SLC25A42: variants seen among roughly 807,000 people sequenced by gnomAD.
SLC25A42 encodes the protein mitochondrial coenzyme A transporter SLC25A42.
SLC25A42 carries 19 observed loss-of-function variants against 34.7 expected under a neutral mutation model. The ratio of observed to expected loss-of-function variants is 0.55; its 90% confidence interval spans 0.38 to 0.80. SLC25A42 has a LOEUF of 0.80. Ranked by LOEUF, SLC25A42 falls within the 30% of genes least tolerant of loss-of-function variation. The probability of loss-of-function intolerance (pLI) is 0.00; values close to 1 mark genes in which losing one functional copy is unlikely to be tolerated. For missense variants in SLC25A42, 364 were observed against 441.3 expected, an observed-to-expected ratio of 0.82 and a Z score of 1.57; for synonymous variants, 205 against 191.2, an observed-to-expected ratio of 1.07 and a Z score of -0.59.
chr19:19,098,287 G>A (rs967539440), intron 2 of SLC25A42, among the ~76,000 whole-genome samples: 2 of 152,126 alleles, frequency 1.3e-5, no homozygotes, highest in Non-Finnish European at 2.9e-5. Flanking sequence ...GTTTATGGAC[G>A]TGTGTTCCTG....
intron 1 of SLC25A42, among the ~76,000 whole-genome samples, chr19:19,066,457 T>C (rs986316886): frequency 6.7e-6 from 1 of 149,476 alleles, no homozygotes; most frequent in African/African-American, 2.5e-5. Context: ...TTCTTTCTTT[T>C]TTTTTTTTTG....
intron 1 of SLC25A42, among the ~76,000 whole-genome samples, chr19:19,079,035 AT>A (rs1207782052): frequency 2.0e-5 from 3 of 150,926 alleles, no homozygotes; most frequent in Admixed American, 6.6e-5. Context: ...ATTTATTTTT[AT>A]TTTTTAGACA....
chr19:19,078,474 C>T (rs566055833), intron 1 of SLC25A42, among the ~76,000 whole-genome samples: 1 of 152,302 alleles, frequency 6.6e-6, no homozygotes, highest in South Asian at 2.1e-4. Flanking sequence ...CCATGTCCCT[C>T]CTCCCACATA....
rs138608017 is a variant in SLC25A42 at position 19,100,612 on chromosome 19, C to T, written c.82-1169C>T. ...ACCTCATCCTTCAAGCTCAGCCTCT[C>T]ACCTACCAACCCAGAGTTCTTACAG... On this transcript the variant is annotated intron_variant, in intron 2 of 7. Transcript: ENST00000318596. Among the ~76,000 whole-genome samples the T allele has an allele frequency of 6.3e-3, 964 of 152,336 alleles. 11 individuals are homozygous for T. Among genetic ancestry groups the T allele is most frequent in the African/African-American group, 0.022 (930 of 41,586 alleles).
At position 19,090,488 on chromosome 19, in the gene SLC25A42, G is replaced by A. The variant is rs1004559445; in HGVS notation, c.-34-5603G>A. On this transcript the variant is annotated intron_variant, in intron 1 of 7. Coordinates refer to ENST00000318596, the MANE Select transcript of SLC25A42 (RefSeq NM_178526.5). ...GTAAACCTGCATATGTTTATGTTAG[G>A]TTTGATGAAGATTAGAGTCATGGGC... is the stretch of plus-strand genomic sequence containing the variant. 3.3e-5 allele frequency among the ~76,000 whole-genome samples: 5 copies of A among 152,080 alleles called. 1 individual carries two copies. The South Asian group carries it at 8.3e-4, about 25-fold the overall frequency.
intron 1 of SLC25A42, among the ~76,000 whole-genome samples, chr19:19,087,373 C>T (rs1259319911): frequency 6.6e-6 from 1 of 152,110 alleles, no homozygotes; most frequent in African/African-American, 2.4e-5. Flanking sequence ...CAGCAACCTC[C>T]ACCTCCCAGG....
chr19:19,105,899 C>G, intron 5 of SLC25A42, 172 bp downstream of exon 5: 1 of 621,234 alleles, frequency 1.6e-6, no homozygotes, highest in Admixed American at 3.0e-5. Flanking sequence ...GAGGGACCCC[C>G]TGACTCTGTC....
chr19:19,092,886 A>G (rs909415682), intron 1 of SLC25A42, among the ~76,000 whole-genome samples: 1 of 152,132 alleles, frequency 6.6e-6, no homozygotes, highest in Non-Finnish European at 1.5e-5. Flanking sequence ...GTAGTCAGAC[A>G]TGGCTGATTG....
At chr19:19,088,507 G>A (rs1362470007) in intron 1 of SLC25A42, among the ~76,000 whole-genome samples, 3 of 148,730 alleles carry the variant, frequency 2.0e-5, no homozygotes, top group Non-Finnish European at 3.0e-5. Flanking sequence ...CGCCTGGCCC[G>A]AGACGGAGTT....
chr19:19,095,036 A>C (rs1568517624), intron 1 of SLC25A42, among the ~76,000 whole-genome samples: 1 of 152,012 alleles, frequency 6.6e-6, no homozygotes, highest in Non-Finnish European at 1.5e-5. Context: ...CTCTACTAAA[A>C]ATAAAAAAAT....
chr19:19,065,562 C>T (rs60696741), intron 1 of SLC25A42, among the ~76,000 whole-genome samples: 9,700 of 152,132 alleles, frequency 0.064, 374 homozygotes, highest in Middle Eastern at 0.15. Flanking sequence ...GCGTTTCTTA[C>T]CCCCTCCCAC....
intron 4 of SLC25A42, chr19:19,105,350 A>T (rs2059820216): frequency 1.6e-6 from 1 of 624,880 alleles, no homozygotes; most frequent in Non-Finnish European, 2.7e-6. Context: ...AGGCCCAGAA[A>T]ACATAGGGAG....
At chr19:19,064,387 C>T (rs1428447266) in intron 1 of SLC25A42, among the ~76,000 whole-genome samples, 1 of 151,528 alleles carries the variant, frequency 6.6e-6, no homozygotes, top group Non-Finnish European at 1.5e-5. Context: ...GTCCCCGGCG[C>T]CCCGCACAGC....
chr19:19,090,104 C>T (rs1057113653), intron 1 of SLC25A42, among the ~76,000 whole-genome samples: 1 of 152,138 alleles, frequency 6.6e-6, no homozygotes, highest in Non-Finnish European at 1.5e-5. Flanking sequence ...TAGAAATCAT[C>T]TTTGAACTTG....
intron 2 of SLC25A42, 101 bp downstream of exon 2, chr19:19,096,306 C>A (rs555775326): frequency 6.0e-6 from 5 of 839,474 alleles, no homozygotes; most frequent in Non-Finnish European, 9.6e-6. Context: ...CTCTGCACCC[C>A]CTCCAAACAG....
chr19:19,073,092 A>G (rs1032871242), intron 1 of SLC25A42, among the ~76,000 whole-genome samples: 2 of 152,226 alleles, frequency 1.3e-5, no homozygotes, highest in Non-Finnish European at 2.9e-5. Context: ...GAGCCTGTGC[A>G]TGCTGCTGTG....
chr19:19,108,418 A>G (rs1244986729), intron 7 of SLC25A42, among the ~76,000 whole-genome samples: 4 of 152,086 alleles, frequency 2.6e-5, no homozygotes, highest in Non-Finnish European at 5.9e-5. Flanking sequence ...GCATGGTGGC[A>G]CACACCTGTG....
chr19:19,105,972 A>AC, intron 5 of SLC25A42: 1 of 545,614 alleles, frequency 1.8e-6, no homozygotes, highest in Non-Finnish European at 3.2e-6. Context: ...ACGTTTCTCC[A>AC]CCCCCACGCA....
At position 19,112,994 on chromosome 19, in the gene SLC25A42, G is replaced by A. The variant is rs2059874314; in HGVS notation, c.*2118G>A. The stretch of plus-strand genomic sequence containing the variant: ...TTGACACATTTGTGATAAAAGTTCT[G>A]AATAAAAGTCTTGAATAAAGAAGTT... On this transcript the variant is annotated 3_prime_UTR_variant, in exon 8 of 8. Transcript: ENST00000318596. This position sits in a 1 kb window ranked among gnomAD's most constrained non-coding sequence, Gnocchi z 4.3. 3 of 150,404 alleles carry A rather than the reference G, an allele frequency of 2.0e-5. No individual in the cohort carries two copies. In the South Asian group the frequency reaches 6.3e-4, roughly 32 times the overall value. The allele number at this position is 150,404 out of a possible 1,614,324, so 9.3% of individuals were successfully genotyped here.
Sources: allele counts gnomAD v4.1 joint callset (sites outside exome capture counted in the v4.1 genomes callset), GRCh38; gene constraint gnomAD v4.1.1; non-coding constraint Gnocchi (gnomAD v3.1); transcripts MANE v1.5; gene names NCBI Gene and HGNC (gene_info 2026-07-23, HGNC 2026-07-21).